Variants in IQGAP2 observed in about 807,000 individuals in gnomAD.
IQGAP2 encodes IQ motif containing GTPase activating protein 2.
In IQGAP2, 173 loss-of-function variants were observed where a neutral mutation model predicts 201.3. The observed-to-expected ratio is 0.86, with a 90% confidence interval of 0.76 to 0.98. The LOEUF (loss-of-function observed/expected upper bound fraction) is 0.98, where lower values mean the gene tolerates loss of function less well. Among genes scored for constraint, IQGAP2 ranks in the 50% least tolerant of loss-of-function variants. The probability of loss-of-function intolerance (pLI) is 0.00; values close to 1 mark genes in which losing one functional copy is unlikely to be tolerated. For synonymous variants in IQGAP2, 675 were observed against 673.9 expected (o/e 1.00, Z -0.03); for missense variants, 1,687 against 1,864.8 (o/e 0.90, Z 1.76).
intron 2 of IQGAP2, among the ~76,000 whole-genome samples, chr5:76,524,986 T>A (rs112049995): frequency 3.9e-5 from 6 of 152,374 alleles, no homozygotes; most frequent in African/African-American, 1.4e-4. Context: ...TTCCTCTGTC[T>A]TATTTTCATT....
At chr5:76,601,938 T>C (rs1469962006) in intron 11 of IQGAP2, among the ~76,000 whole-genome samples, 1 of 152,214 alleles carries the variant, frequency 6.6e-6, no homozygotes, top group Non-Finnish European at 1.5e-5. Context: ...ATATGACTCC[T>C]TAGAGTGTGT....
At chr5:76,665,479 C>T (rs1337022595) in intron 22 of IQGAP2, among the ~76,000 whole-genome samples, 2 of 152,102 alleles carry the variant, frequency 1.3e-5, no homozygotes, top group Non-Finnish European at 2.9e-5. Context: ...ACTTCAGAGA[C>T]CATGCTCTTT....
At chr5:76,612,496 A>G (rs1748494246) in intron 13 of IQGAP2, among the ~76,000 whole-genome samples, 1 of 151,856 alleles carries the variant, frequency 6.6e-6, no homozygotes, top group South Asian at 2.1e-4. Flanking sequence ...CTCTGTCTCG[A>G]AAATAAATAC....
chr5:76,454,090 C>G lies in IQGAP2; in HGVS notation c.47-7480C>G, dbSNP rs1392789531. ...ATAAGTAAGAGGTTTGGTTTCCAAACTGTGTCTTGAAATTGTAATTGTCCA... is the reference window on the plus strand; with the variant it reads ...ATAAGTAAGAGGTTTGGTTTCCAAAGTGTGTCTTGAAATTGTAATTGTCCA... On this transcript the variant is annotated intron_variant, in intron 1 of 35. Coordinates refer to ENST00000274364, the MANE Select transcript of IQGAP2 (RefSeq NM_006633.5). Among the ~76,000 whole-genome samples, 5 of 152,068 alleles carry G rather than the reference C, an allele frequency of 3.3e-5. No homozygotes were observed. The East Asian group carries it at 9.6e-4, about 29-fold the overall frequency.
intron 2 of IQGAP2, among the ~76,000 whole-genome samples, chr5:76,541,104 T>C (rs1319149283): frequency 6.6e-6 from 1 of 152,180 alleles, no homozygotes; most frequent in Non-Finnish European, 1.5e-5. Context: ...TTTACAACAT[T>C]GTGCAACATC....
chr5:76,424,819 T>C (rs942170434), intron 1 of IQGAP2, among the ~76,000 whole-genome samples: 3 of 152,144 alleles, frequency 2.0e-5, no homozygotes, highest in African/African-American at 7.2e-5. Context: ...AGTAATGAAA[T>C]TGTAGTACCT....
At chr5:76,674,213 A>G (rs1459801365) in intron 26 of IQGAP2, among the ~76,000 whole-genome samples, 177 bp downstream of exon 26, 1 of 152,222 alleles carries the variant, frequency 6.6e-6, no homozygotes, top group Non-Finnish European at 1.5e-5. Flanking sequence ...TGGAGATCCT[A>G]GACATTATTG....
chr5:76,634,875 C>G (rs1277265811), intron 15 of IQGAP2, among the ~76,000 whole-genome samples: 1 of 148,266 alleles, frequency 6.7e-6, no homozygotes, highest in Non-Finnish European at 1.5e-5. Flanking sequence ...TTCATCACCT[C>G]TTAACTAACT....
At chr5:76,668,344 T>C (rs1249402316) in intron 22 of IQGAP2, among the ~76,000 whole-genome samples, 1 of 151,702 alleles carries the variant, frequency 6.6e-6, no homozygotes, top group Non-Finnish European at 1.5e-5. Flanking sequence ...CCTATCATAA[T>C]TTTCTACTAT....
intron 3 of IQGAP2, among the ~76,000 whole-genome samples, chr5:76,564,136 A>G (rs1354731413): frequency 6.6e-6 from 1 of 152,236 alleles, no homozygotes; most frequent in Non-Finnish European, 1.5e-5. Flanking sequence ...CAAGACTTTA[A>G]TAAAACAATC....
rs76932478 is a variant in IQGAP2, at chr5:76,512,625, A to G, written c.147-49771A>G. ...GAGACTGGAGTGCTTCTCAGATGTTACCTAGTGGCAACTGAGGATGTGGAA... is the reference window on the plus strand; with the variant it reads ...GAGACTGGAGTGCTTCTCAGATGTTGCCTAGTGGCAACTGAGGATGTGGAA... On this transcript the variant is annotated intron_variant, in intron 2 of 35. Coordinates refer to ENST00000274364, the MANE Select transcript of IQGAP2 (RefSeq NM_006633.5). Among the ~76,000 whole-genome samples the G allele has an allele frequency of 8.4e-3, 1,274 of 152,342 alleles. 18 individuals are homozygous for G. Among genetic ancestry groups the G allele is most frequent in the African/African-American group, 0.029 (1,207 of 41,570 alleles).
chr5:76,619,760 T>C (rs1034586857), intron 13 of IQGAP2, among the ~76,000 whole-genome samples: 67 of 152,188 alleles, frequency 4.4e-4, no homozygotes, highest in Non-Finnish European at 5.6e-4. Context: ...CCTCGTGATC[T>C]GCCCGCCTCG....
chr5:76,534,623 A>C (rs749551668), intron 2 of IQGAP2, among the ~76,000 whole-genome samples: 4 of 152,184 alleles, frequency 2.6e-5, no homozygotes, highest in Non-Finnish European at 5.9e-5. Context: ...TGTTTTCCCC[A>C]ACCCTTCCAA....
At chr5:76,687,368 A>G (rs959961160) in intron 30 of IQGAP2, among the ~76,000 whole-genome samples, 5 of 152,258 alleles carry the variant, frequency 3.3e-5, no homozygotes, top group Non-Finnish European at 5.9e-5. Context: ...TAGTTCTATG[A>G]TTTTAGCCAA....
At chr5:76,540,259 G>A (rs1165975018) in intron 2 of IQGAP2, among the ~76,000 whole-genome samples, 2 of 151,974 alleles carry the variant, frequency 1.3e-5, no homozygotes, top group African/African-American at 4.8e-5. Context: ...TTAGGTTCAG[G>A]TAATCTATTT....
chr5:76,507,867 G>C (rs534217658), intron 2 of IQGAP2, among the ~76,000 whole-genome samples: 108 of 151,726 alleles, frequency 7.1e-4, no homozygotes, highest in Non-Finnish European at 1.2e-3. Context: ...AAATTAGCTG[G>C]GCGTGGTGAC....
intron 2 of IQGAP2, among the ~76,000 whole-genome samples, chr5:76,492,780 A>T (rs1756637706): frequency 6.6e-6 from 1 of 152,148 alleles, no homozygotes; most frequent in African/African-American, 2.4e-5. Flanking sequence ...TCCGCTCTTC[A>T]CTCATCCTAC....
chr5:76,496,708 CTTTCTTTCTTTCTTTCTTT>C (rs1756921437), intron 2 of IQGAP2, among the ~76,000 whole-genome samples: 1 of 19,108 alleles, frequency 5.2e-5, no homozygotes, highest in South Asian at 1.7e-3. Context: ...CTGTCTCTTT[CTTTCTTTCTTTCTTTCTTT>C]TCTTTCTTTC....
intron 14 of IQGAP2, 54 bp downstream of exon 14, chr5:76,627,554 T>C: frequency 1.1e-6 from 1 of 926,736 alleles, no homozygotes; most frequent in Non-Finnish European, 1.7e-6. Context: ...TTTGGTTATG[T>C]GCCTGAAGTC....
Sources: gnomAD v4.1 joint callset for allele counts (sites outside exome capture counted in the v4.1 genomes callset) on GRCh38, gnomAD v4.1.1 for gene constraint, MANE v1.5 for transcripts, NCBI Gene and HGNC (gene_info 2026-07-23, HGNC 2026-07-21) for gene names.